The following LINGO2 variants were observed in gnomAD, a reference collection of about 807,000 sequenced individuals.
LINGO2 encodes the protein leucine-rich repeat and immunoglobulin-like domain-containing nogo receptor-interacting protein 2.
Under a neutral mutation model 30.6 loss-of-function variants are expected in LINGO2, and 14 were observed. The observed-to-expected ratio is 0.46, with a 90% CI of 0.30 to 0.72. The LOEUF is 0.72. Ranked by LOEUF, LINGO2 falls within the 30% of genes least tolerant of loss-of-function variation. The pLI is 0.07. For missense variants in LINGO2, 729 were observed against 751.7 expected, an observed-to-expected ratio of 0.97 and a Z score of 0.35; for synonymous variants, 317 against 288.5, an observed-to-expected ratio of 1.10 and a Z score of -1.00.
At chr9:28,465,023 G>A (rs746001638) in intron 2 of LINGO2, among the ~76,000 whole-genome samples, 56 of 152,194 alleles carry the variant, frequency 3.7e-4, no homozygotes, top group Non-Finnish European at 6.5e-4. Flanking sequence ...CCGCCCCCCC[G>A]CCCCACATAC....
the LINGO2 span, among the ~76,000 whole-genome samples, chr9:29,171,795 T>G: frequency 6.6e-6 from 1 of 151,868 alleles, no homozygotes; most frequent in African/African-American, 2.4e-5. Flanking sequence ...CATTATATAA[T>G]TGATAGAAAA....
At position 28,074,257 on chromosome 9, in the gene LINGO2, C is replaced by A. The variant is rs572546901; in HGVS notation, c.-86-61852G>T. ...AGATAAAATGTAAAAATTGTGCACC[C>A]TAAAATTGATGAATATTTCATCTTT... On this transcript the variant is annotated intron_variant, in intron 4 of 5. Transcript: ENST00000379992. Among the ~76,000 whole-genome samples the A allele has an allele frequency of 2.0e-5, 3 of 152,238 alleles. No individual in the cohort carries two copies. In the South Asian group the frequency reaches 6.2e-4, roughly 32 times the overall value.
chr9:28,994,878 TAA>T, the LINGO2 span, among the ~76,000 whole-genome samples: 1 of 152,112 alleles, frequency 6.6e-6, no homozygotes, highest in Non-Finnish European at 1.5e-5. Context: ...TCAAGATGGA[TAA>T]AAGACTTAAA....
chr9:28,158,944 C>T (rs1481892704), intron 4 of LINGO2, among the ~76,000 whole-genome samples: 1 of 152,226 alleles, frequency 6.6e-6, no homozygotes, highest in Non-Finnish European at 1.5e-5. Context: ...AGGTTTTCCT[C>T]ATTCCTTTAT....
chr9:28,971,957 A>G, the LINGO2 span, among the ~76,000 whole-genome samples: 1 of 152,220 alleles, frequency 6.6e-6, no homozygotes, highest in African/African-American at 2.4e-5. Flanking sequence ...AGAGAGAGAG[A>G]CTGTTTGTTT....
the LINGO2 span, among the ~76,000 whole-genome samples, chr9:29,189,570 G>A: frequency 6.6e-6 from 1 of 151,608 alleles, no homozygotes; most frequent in African/African-American, 2.4e-5. Context: ...TCCTAGATGG[G>A]ATGGCGGCCA....
chr9:28,789,121 T>C, the LINGO2 span, among the ~76,000 whole-genome samples: 1 of 152,174 alleles, frequency 6.6e-6, no homozygotes, highest in Non-Finnish European at 1.5e-5. Flanking sequence ...ATATATACAC[T>C]GCTTTAAAAT....
chr9:28,773,703 G>T, the LINGO2 span, among the ~76,000 whole-genome samples: 1 of 152,122 alleles, frequency 6.6e-6, no homozygotes, highest in Non-Finnish European at 1.5e-5. Flanking sequence ...TGCTCTCAAT[G>T]AAAACTCATG....
chr9:28,880,758 T>C, the LINGO2 span, among the ~76,000 whole-genome samples: 4 of 152,134 alleles, frequency 2.6e-5, no homozygotes, highest in South Asian at 4.1e-4. Context: ...TAAAACCCGA[T>C]TGTACATTTG....
the LINGO2 span, among the ~76,000 whole-genome samples, chr9:28,996,631 G>A: frequency 1.3e-5 from 2 of 152,048 alleles, no homozygotes; most frequent in Admixed American, 6.5e-5. Context: ...TTTCCTTTTT[G>A]TTGTCAGTTG....
In LINGO2 at chr9:28,083,962, T is replaced by A. The variant is rs1825840858; in HGVS notation, c.-86-71557A>T. On this transcript the variant is annotated intron_variant, in intron 4 of 5. Coordinates refer to ENST00000379992, the Ensembl canonical transcript of LINGO2. ...GTGTCCACATCAAGATTATAATCTG[T>A]TTTTTAATTAACTAATAATGATTAT... Among the ~76,000 whole-genome samples the A allele has an allele frequency of 3.9e-5, 6 of 152,310 alleles. No homozygotes were observed. In the South Asian group the frequency reaches 1.2e-3, roughly 32 times the overall value.
intron 2 of LINGO2, among the ~76,000 whole-genome samples, chr9:28,466,599 A>G (rs1159185555): frequency 6.6e-6 from 1 of 152,196 alleles, no homozygotes; most frequent in Non-Finnish European, 1.5e-5. Context: ...AAAGAGTACA[A>G]CTGGACTGTT....
intron 5 of LINGO2, among the ~76,000 whole-genome samples, chr9:27,973,984 C>T (rs780546404): frequency 1.3e-5 from 2 of 152,096 alleles, no homozygotes; most frequent in African/African-American, 2.4e-5. Flanking sequence ...CTCTTCTACT[C>T]AAGAGTACAA....
chr9:28,151,156 A>G (rs1278498272), intron 4 of LINGO2, among the ~76,000 whole-genome samples: 1 of 152,226 alleles, frequency 6.6e-6, no homozygotes, highest in Non-Finnish European at 1.5e-5. Flanking sequence ...AAGACCCAAC[A>G]GTACATTGCA....
the LINGO2 span, among the ~76,000 whole-genome samples, chr9:29,079,169 T>G: frequency 6.6e-6 from 1 of 151,934 alleles, no homozygotes. Context: ...ACGGTAGATG[T>G]GCTCTGTGGA....
At position 28,554,033 on chromosome 9, in the gene LINGO2, G is replaced by A. The variant is rs1206746158; in HGVS notation, c.-364-78008C>T. On this transcript the variant is annotated intron_variant, in intron 1 of 5. Transcript: ENST00000379992. ...TAGAAAGGAACAACTGGTACCAGCC[G>A]CTGCAAAAGCATGCCAAAATGTAAA... Among the ~76,000 whole-genome samples, 15 of 152,002 alleles carry A rather than the reference G, an allele frequency of 9.9e-5. 1 individual carries two copies. The South Asian group carries it at 1.7e-3, about 17-fold the overall frequency.
intron 5 of LINGO2, among the ~76,000 whole-genome samples, chr9:27,987,526 T>C (rs1410546698): frequency 3.3e-5 from 5 of 151,884 alleles, no homozygotes; most frequent in Admixed American, 6.6e-5. Flanking sequence ...GCTAAGACAA[T>C]AGCTCTAGAT....
At chr9:28,490,744 A>G (rs1170594887) in intron 1 of LINGO2, among the ~76,000 whole-genome samples, 2 of 152,292 alleles carry the variant, frequency 1.3e-5, no homozygotes, top group Non-Finnish European at 1.5e-5. Flanking sequence ...ATTCTCACAT[A>G]ATACTGGGAT....
chr9:28,386,739 A>C (rs950902223), intron 2 of LINGO2, among the ~76,000 whole-genome samples: 1 of 152,192 alleles, frequency 6.6e-6, no homozygotes, highest in Admixed American at 6.6e-5. Flanking sequence ...GGTTGTTTAT[A>C]AAGTAGGTAG....
Sources: allele counts gnomAD v4.1 joint callset (sites outside exome capture counted in the v4.1 genomes callset), GRCh38; gene constraint gnomAD v4.1.1; transcripts MANE v1.5; gene names NCBI Gene and HGNC (gene_info 2026-07-23, HGNC 2026-07-21).